CDNF: variants seen among roughly 807,000 people sequenced by gnomAD.
CDNF encodes the protein ARMET-like protein 1.
Under a neutral mutation model 14.8 loss-of-function variants are expected in CDNF, and 9 were observed. That is an observed-to-expected ratio of 0.61 (90% CI 0.37 to 1.06). The LOEUF (loss-of-function observed/expected upper bound fraction) is 1.06, where lower values mean the gene tolerates loss of function less well. Ranked by LOEUF, CDNF falls within the 50% of genes least tolerant of loss-of-function variation. The pLI is 0.01. For missense variants in CDNF, 228 were observed against 228.4 expected, an observed-to-expected ratio of 1.00 and a Z score of 0.01; for synonymous variants, 86 against 87.2, an observed-to-expected ratio of 0.99 and a Z score of 0.07.
chr10:14,833,201 G>A (rs959500820), intron 1 of CDNF, among the ~76,000 whole-genome samples: 20 of 152,082 alleles, frequency 1.3e-4, no homozygotes, highest in African/African-American at 3.4e-4. Flanking sequence ...GCTTCTAGAC[G>A]TCTGTGATGG....
At chr10:14,826,133 G>GC (rs1363641537) in intron 2 of CDNF, among the ~76,000 whole-genome samples, 14 of 135,332 alleles carry the variant, frequency 1.0e-4, no homozygotes, top group African/African-American at 4.2e-4. Context: ...AGAAGCAGGA[G>GC]AAGGAGAAGG....
chr10:14,828,753 C>A (rs951469246), intron 1 of CDNF, among the ~76,000 whole-genome samples: 1 of 152,096 alleles, frequency 6.6e-6, no homozygotes, highest in Admixed American at 6.6e-5. Flanking sequence ...CACCTGTAAT[C>A]CCAGCACTTT....
chr10:14,835,795 T>C (rs1214626336), intron 1 of CDNF, among the ~76,000 whole-genome samples: 2 of 152,186 alleles, frequency 1.3e-5, no homozygotes, highest in East Asian at 3.8e-4. Flanking sequence ...CTTGAATATC[T>C]ACAGGGGCCA....
intron 2 of CDNF, among the ~76,000 whole-genome samples, chr10:14,826,629 A>G (rs180990927): frequency 3.2e-4 from 48 of 152,346 alleles, no homozygotes; most frequent in African/African-American, 1.1e-3. Context: ...GTGCCCTACA[A>G]TTCACATGGT....
At chr10:14,831,528 T>C (rs914350315) in intron 1 of CDNF, among the ~76,000 whole-genome samples, 5 of 149,220 alleles carry the variant, frequency 3.4e-5, no homozygotes, top group Admixed American at 6.7e-5. Flanking sequence ...AATACATATA[T>C]ACACATATAT....
rs188686029 is a variant in CDNF, at chr10:14,826,741, T to A, written c.244-1121A>T. 4.6e-5 allele frequency among the ~76,000 whole-genome samples: 7 copies of A among 152,310 alleles called. No homozygotes were observed. In the East Asian group the frequency reaches 1.3e-3, roughly 29 times the overall value. On this transcript the variant is annotated intron_variant, in intron 2 of 3. Transcript: ENST00000465530. ...TTAACTTATTTATGTCTCACAACAATCCTGTGAAATAAGTACTATTAGTAT... is the reference window on the plus strand; with the variant it reads ...TTAACTTATTTATGTCTCACAACAAACCTGTGAAATAAGTACTATTAGTAT...
intron 1 of CDNF, among the ~76,000 whole-genome samples, chr10:14,831,849 C>A (rs1022517554): frequency 2.0e-5 from 3 of 152,190 alleles, no homozygotes; most frequent in Non-Finnish European, 2.9e-5. Flanking sequence ...GCTGGGATTA[C>A]AGGTGTGAGC....
chr10:14,826,055 G>C (rs534487500), intron 2 of CDNF, among the ~76,000 whole-genome samples: 1,814 of 133,136 alleles, frequency 0.014, 95 homozygotes, highest in African/African-American at 0.053. Flanking sequence ...AGAAGAAGAA[G>C]AAGAAGAAGA....
chr10:14,829,753 C>A (rs1833829705), intron 1 of CDNF, among the ~76,000 whole-genome samples: 1 of 152,128 alleles, frequency 6.6e-6, no homozygotes, highest in Non-Finnish European at 1.5e-5. Context: ...CCTCAGCCCC[C>A]CAAGTAGCTG....
chr10:14,828,035 G>T, intron 2 of CDNF, 110 bp downstream of exon 2: 1 of 1,037,512 alleles, frequency 9.6e-7, no homozygotes. Context: ...CTCTAAAATG[G>T]ACATACTTGA....
chr10:14,831,856 G>C (rs1393280129), intron 1 of CDNF, among the ~76,000 whole-genome samples: 2 of 152,146 alleles, frequency 1.3e-5, no homozygotes, highest in Non-Finnish European at 2.9e-5. Context: ...TTACAGGTGT[G>C]AGCCACCGTG....
rs1256236721 is a variant in CDNF, at chr10:14,837,992, C to T, written c.-46G>A. On this transcript the variant is annotated 5_prime_UTR_variant, in exon 1 of 4. Transcript: ENST00000465530. ...CGCCTCCGCCACCCGCGCCCACCGC[C>T]CACCAAGCTGCCAAAGCGAGCTGAG... 6 of 1,423,646 alleles carry T rather than the reference C, an allele frequency of 4.2e-6. No individual in the cohort carries two copies. Among genetic ancestry groups the T allele is most frequent in the Non-Finnish European group, 5.8e-6 (6 of 1,035,898 alleles). 88.2% of individuals were successfully genotyped at this position (1,423,646 alleles called of 1,614,324 possible).
At chr10:14,828,439 G>T (rs1382728190) in intron 1 of CDNF, among the ~76,000 whole-genome samples, 167 bp from the exon 2 acceptor site, 1 of 151,474 alleles carries the variant, frequency 6.6e-6, no homozygotes, top group African/African-American at 2.4e-5. Context: ...ACAAGGTCAG[G>T]ATATCGAGAC....
chr10:14,826,160 G>GC (rs1205324482), intron 2 of CDNF, among the ~76,000 whole-genome samples: 6 of 150,752 alleles, frequency 4.0e-5, no homozygotes, highest in African/African-American at 1.2e-4. Context: ...AGAAGAAGAA[G>GC]AAGAAGCAGA....
At chr10:14,831,789 C>T (rs552081133) in intron 1 of CDNF, among the ~76,000 whole-genome samples, 2 of 152,120 alleles carry the variant, frequency 1.3e-5, no homozygotes, top group East Asian at 1.9e-4. Context: ...TTGGCCAGGA[C>T]GGTCTCGATC....
At chr10:14,822,321 T>C (rs780201295) in intron 3 of CDNF, among the ~76,000 whole-genome samples, 1 of 152,144 alleles carries the variant, frequency 6.6e-6, no homozygotes, top group African/African-American at 2.4e-5. Context: ...GCTGAAAAGA[T>C]TGAAAAAAAG....
chr10:14,832,314 G>A (rs909822625), intron 1 of CDNF, among the ~76,000 whole-genome samples: 2 of 152,238 alleles, frequency 1.3e-5, no homozygotes. Flanking sequence ...CAGAAGGCCA[G>A]TGTGGCTAAA....
intron 1 of CDNF, chr10:14,834,159 A>T (rs1196804013): frequency 3.3e-5 from 5 of 152,072 alleles, no homozygotes; most frequent in Non-Finnish European, 7.4e-5. Context: ...TCGGCAACAT[A>T]GTGAAACTTC....
At chr10:14,826,026 AAGG>A (rs879821706) in intron 2 of CDNF, among the ~76,000 whole-genome samples, 3,491 of 112,524 alleles carry the variant, frequency 0.031, 103 homozygotes, top group South Asian at 0.062. Context: ...GAAGAAGAAG[AAGG>A]AGAAGAAGAA....
Sources: gnomAD v4.1 joint callset for allele counts (sites outside exome capture counted in the v4.1 genomes callset) on GRCh38, gnomAD v4.1.1 for gene constraint, MANE v1.5 for transcripts, NCBI Gene and HGNC (gene_info 2026-07-23, HGNC 2026-07-21) for gene names.